The following SUPT3H variants were observed in gnomAD, a reference collection of about 807,000 sequenced individuals.
The protein encoded by SUPT3H is transcription initiation protein SPT3 homolog.
A neutral mutation model predicts 44.3 loss-of-function variants in SUPT3H; 44 were observed. The ratio of observed to expected loss-of-function variants is 0.99; its 90% CI spans 0.78 to 1.28. SUPT3H has a LOEUF of 1.28. Ranked by LOEUF, SUPT3H falls within the 50% of genes most tolerant of loss-of-function variation. SUPT3H has a pLI of 0.00. For missense variants in SUPT3H, 380 were observed against 387.1 expected (o/e 0.98, Z 0.15); for synonymous variants, 124 against 125.6 (o/e 0.99, Z 0.09).
At chr6:45,117,315 T>TG (rs1800990507) in intron 2 of SUPT3H, among the ~76,000 whole-genome samples, 1 of 152,092 alleles carries the variant, frequency 6.6e-6, no homozygotes, top group African/African-American at 2.4e-5. Flanking sequence ...ACTCTCCATC[T>TG]CATCCAGCAG....
At chr6:44,894,660 C>T (rs1424953422) in intron 10 of SUPT3H, among the ~76,000 whole-genome samples, 1 of 152,022 alleles carries the variant, frequency 6.6e-6, no homozygotes, top group Non-Finnish European at 1.5e-5. Context: ...TAGCGTGATG[C>T]CTCCAGCTTT....
intron 6 of SUPT3H, among the ~76,000 whole-genome samples, chr6:44,984,813 A>T (rs1411230039): frequency 6.6e-6 from 1 of 152,042 alleles, no homozygotes. Context: ...AAACATAAAC[A>T]TAAATTACAT....
chr6:44,983,939 G>T (rs1779432353), intron 6 of SUPT3H, among the ~76,000 whole-genome samples: 1 of 152,098 alleles, frequency 6.6e-6, no homozygotes, highest in Admixed American at 6.6e-5. Flanking sequence ...GCTTTTTAAA[G>T]AAAATTTAGA....
At chr6:45,061,720 A>T (rs1464696707) in intron 3 of SUPT3H, among the ~76,000 whole-genome samples, 1 of 11,602 alleles carries the variant, frequency 8.6e-5, no homozygotes, top group Non-Finnish European at 1.3e-4. Context: ...GTATAGTTCT[A>T]AAATCCATTA....
chr6:44,958,013 T>C (rs1282414808), intron 7 of SUPT3H, among the ~76,000 whole-genome samples: 1 of 152,148 alleles, frequency 6.6e-6, no homozygotes, highest in African/African-American at 2.4e-5. Context: ...TTAAGACAGT[T>C]TGTTTTCATC....
intron 2 of SUPT3H, among the ~76,000 whole-genome samples, chr6:45,235,405 A>G (rs1487258459): frequency 6.6e-6 from 1 of 152,154 alleles, no homozygotes; most frequent in Non-Finnish European, 1.5e-5. Context: ...AAGTGGCATT[A>G]AATTTGTAGA....
chr6:45,206,933 T>C (rs555730083), intron 2 of SUPT3H, among the ~76,000 whole-genome samples: 8 of 152,238 alleles, frequency 5.3e-5, no homozygotes, highest in African/African-American at 1.9e-4. Context: ...CTGATTTCAA[T>C]ATGTGAACAA....
At chr6:45,034,458 T>G (rs754935604) in intron 3 of SUPT3H, among the ~76,000 whole-genome samples, 2 of 152,170 alleles carry the variant, frequency 1.3e-5, no homozygotes, top group Non-Finnish European at 2.9e-5. Flanking sequence ...TCTTTAGAAT[T>G]ATCAAGAACA....
intron 10 of SUPT3H, among the ~76,000 whole-genome samples, chr6:44,930,945 T>C (rs1044146974): frequency 2.0e-5 from 3 of 152,180 alleles, no homozygotes; most frequent in African/African-American, 7.2e-5. Flanking sequence ...CAGTCTTAGA[T>C]TGTAAAAGTA....
intron 2 of SUPT3H, among the ~76,000 whole-genome samples, chr6:45,283,464 C>T (rs561172429): frequency 6.6e-6 from 1 of 152,078 alleles, no homozygotes; most frequent in South Asian, 2.1e-4. Flanking sequence ...GACTTTAAAC[C>T]AACAAAGGTC....
At chr6:45,340,124 A>C (rs1789448426) in intron 2 of SUPT3H, among the ~76,000 whole-genome samples, 1 of 152,320 alleles carries the variant, frequency 6.6e-6, no homozygotes, top group South Asian at 2.1e-4. Context: ...GTCCTCAATC[A>C]ATTTCATCTG....
intron 2 of SUPT3H, among the ~76,000 whole-genome samples, chr6:45,291,342 A>C (rs55964727): frequency 0.23 from 34,543 of 152,132 alleles, 4,602 homozygotes; most frequent in Non-Finnish European, 0.31. Context: ...AAGGAACCAA[A>C]TGAGAAGGAA....
At chr6:45,043,275 A>T (rs1021307418) in intron 3 of SUPT3H, among the ~76,000 whole-genome samples, 13 of 152,290 alleles carry the variant, frequency 8.5e-5, no homozygotes, top group Admixed American at 2.0e-4. Context: ...TGAAAATGAG[A>T]GAAATGACAA....
At chr6:45,371,660 C>G (rs968806640) in intron 1 of SUPT3H, among the ~76,000 whole-genome samples, 4 of 152,152 alleles carry the variant, frequency 2.6e-5, no homozygotes, top group African/African-American at 9.6e-5. Context: ...AAGTTGTAAA[C>G]ATAGCAGTCA....
At chr6:45,374,951 A>G (rs1796570758) in intron 1 of SUPT3H, among the ~76,000 whole-genome samples, 1 of 152,230 alleles carries the variant, frequency 6.6e-6, no homozygotes, top group Non-Finnish European at 1.5e-5. Context: ...TCACACCTGT[A>G]ATCCCAGAAC....
At chr6:44,951,077 T>A (rs1343890363) in intron 9 of SUPT3H, among the ~76,000 whole-genome samples, 1 of 151,978 alleles carries the variant, frequency 6.6e-6, no homozygotes, top group Non-Finnish European at 1.5e-5. Flanking sequence ...ACCTTAATCC[T>A]TGAATATTTT....
chr6:45,143,157 C>T (rs573531536), intron 2 of SUPT3H, among the ~76,000 whole-genome samples: 11 of 152,134 alleles, frequency 7.2e-5, no homozygotes, highest in Non-Finnish European at 1.5e-4. Flanking sequence ...GTCATCAAGA[C>T]AGCAAATCGA....
intron 2 of SUPT3H, among the ~76,000 whole-genome samples, chr6:45,150,832 C>T (rs1423388285): frequency 4.3e-5 from 6 of 140,778 alleles, no homozygotes; most frequent in African/African-American, 1.6e-4. Flanking sequence ...AAGCAATTTT[C>T]CTGCCTCAGC....
chr6:44,925,354 A>G (rs564264502), intron 10 of SUPT3H, among the ~76,000 whole-genome samples: 1 of 152,294 alleles, frequency 6.6e-6, no homozygotes, highest in Admixed American at 6.5e-5. Context: ...GATGCACTTA[A>G]GGTATTATTC....
Sources: allele counts gnomAD v4.1 joint callset (sites outside exome capture counted in the v4.1 genomes callset), GRCh38; gene constraint gnomAD v4.1.1; transcripts MANE v1.5; gene names NCBI Gene and HGNC (gene_info 2026-07-23, HGNC 2026-07-21).